Variants in RELN observed in about 807,000 individuals in gnomAD.
The protein encoded by RELN is reelin.
Under a neutral mutation model 427.6 loss-of-function variants are expected in RELN, and 108 were observed. The observed-to-expected ratio is 0.25, with a 90% confidence interval of 0.22 to 0.30. The LOEUF (loss-of-function observed/expected upper bound fraction) is 0.30. RELN is among the 10% of genes least tolerant of loss of function. RELN has a pLI of 1.00. For missense variants in RELN, 3,715 were observed against 4,302.8 expected (o/e 0.86, Z 3.82); for synonymous variants, 1,524 against 1,513.4 (o/e 1.01, Z -0.16).
chr7:103,578,586 T>C (rs1197578611), intron 28 of RELN, among the ~76,000 whole-genome samples: 3 of 152,214 alleles, frequency 2.0e-5, no homozygotes, highest in Non-Finnish European at 4.4e-5. Context: ...GCCTGGTTCC[T>C]GATGTCTGCT....
chr7:103,850,093 T>A (rs961510678), intron 2 of RELN, among the ~76,000 whole-genome samples: 8 of 152,194 alleles, frequency 5.3e-5, no homozygotes, highest in Non-Finnish European at 1.0e-4. Flanking sequence ...ATCTTCCCAA[T>A]GATGGTTATG....
At chr7:103,864,293 G>C (rs549425151) in intron 2 of RELN, among the ~76,000 whole-genome samples, 1 of 152,042 alleles carries the variant, frequency 6.6e-6, no homozygotes, top group Non-Finnish European at 1.5e-5. Context: ...TTTAATTGTA[G>C]TAAGAACACT....
intron 3 of RELN, among the ~76,000 whole-genome samples, chr7:103,822,034 T>A (rs1793027381): frequency 6.6e-6 from 1 of 152,086 alleles, no homozygotes; most frequent in African/African-American, 2.4e-5. Flanking sequence ...ATGGAAATAA[T>A]AATTTCATTT....
intron 6 of RELN, among the ~76,000 whole-genome samples, chr7:103,742,710 T>C (rs971472107): frequency 9.9e-5 from 15 of 152,132 alleles, no homozygotes; most frequent in African/African-American, 3.6e-4. Flanking sequence ...AAGAGAAGTT[T>C]AGAGAAAGAA....
intron 24 of RELN, among the ~76,000 whole-genome samples, chr7:103,602,665 A>C (rs1320242776): frequency 6.6e-6 from 1 of 152,122 alleles, no homozygotes; most frequent in Non-Finnish European, 1.5e-5. Context: ...GGAACATCAC[A>C]CACTGGGGCC....
intron 3 of RELN, among the ~76,000 whole-genome samples, chr7:103,811,410 T>C (rs1028831403): frequency 3.3e-5 from 5 of 152,190 alleles, no homozygotes; most frequent in Admixed American, 6.5e-5. Flanking sequence ...ACATGAGAGA[T>C]TGGTGCATCT....
intron 7 of RELN, among the ~76,000 whole-genome samples, chr7:103,726,751 G>A (rs906960676): frequency 6.6e-6 from 1 of 151,948 alleles, no homozygotes; most frequent in African/African-American, 2.4e-5. Context: ...ATTAACTACA[G>A]TAAAAAAATT....
chr7:103,765,440 C>G (rs1010405402), intron 4 of RELN, among the ~76,000 whole-genome samples: 2 of 151,908 alleles, frequency 1.3e-5, no homozygotes, highest in Non-Finnish European at 2.9e-5. Context: ...TCACATATGC[C>G]CACTGGGGAT....
intron 1 of RELN, among the ~76,000 whole-genome samples, chr7:103,922,303 A>G (rs965407285): frequency 6.6e-6 from 1 of 152,160 alleles, no homozygotes; most frequent in African/African-American, 2.4e-5. Context: ...ACATTTAACC[A>G]TAATAGCTTT....
At chr7:103,748,726 G>A (rs1339674975) in intron 6 of RELN, among the ~76,000 whole-genome samples, 1 of 152,130 alleles carries the variant, frequency 6.6e-6, no homozygotes, top group Non-Finnish European at 1.5e-5. Context: ...CTTGAACTTA[G>A]TTTACATTAG....
intron 11 of RELN, among the ~76,000 whole-genome samples, chr7:103,676,296 TC>T (rs1222047222): frequency 6.6e-6 from 1 of 152,170 alleles, no homozygotes; most frequent in African/African-American, 2.4e-5. Flanking sequence ...AAAATGCTCA[TC>T]ATCACTGGCC....
chr7:103,489,167 CA>C (rs1828556025), intron 60 of RELN, among the ~76,000 whole-genome samples: 1 of 150,778 alleles, frequency 6.6e-6, no homozygotes, highest in African/African-American at 2.5e-5. Context: ...TCTAGAAACT[CA>C]AGGAGTGAAA....
At chr7:103,870,327 G>A (rs1003859509) in intron 2 of RELN, among the ~76,000 whole-genome samples, 2 of 151,832 alleles carry the variant, frequency 1.3e-5, no homozygotes, top group Admixed American at 6.6e-5. Context: ...ATGATACAAT[G>A]TAGAGAATCT....
chr7:103,633,470 G>A (rs916238682), intron 19 of RELN, among the ~76,000 whole-genome samples: 1 of 150,418 alleles, frequency 6.6e-6, no homozygotes, highest in Admixed American at 6.6e-5. Context: ...CATGGACAGA[G>A]ATAAATATAT....
At position 103,563,759 on chromosome 7, in the gene RELN, T is replaced by C. The variant is rs1161775122; in HGVS notation, c.5210+1519A>G. Among the ~76,000 whole-genome samples, 1 of 152,214 alleles carries C rather than the reference T, an allele frequency of 6.6e-6. No homozygotes were observed. Among genetic ancestry groups the C allele is most frequent in the Non-Finnish European group, 1.5e-5 (1 of 68,028 alleles). Reference sequence around the variant, plus strand: ...AAGTGCCCTATACAAGTGTACCATTTAAAAATCTTTTATACCATATTTTTA... The same window carrying C: ...AAGTGCCCTATACAAGTGTACCATTCAAAAATCTTTTATACCATATTTTTA... On this transcript the variant is annotated intron_variant, in intron 34 of 64. Transcript: ENST00000428762. The surrounding 1 kb of genome is among the most constrained non-coding windows in gnomAD (Gnocchi z 4.1).
intron 20 of RELN, among the ~76,000 whole-genome samples, chr7:103,624,450 GA>G (rs375458960): frequency 5.1e-4 from 78 of 151,942 alleles, no homozygotes; most frequent in African/African-American, 1.8e-3. Context: ...TTTTAAGTCG[GA>G]GTTTTACTCT....
intron 1 of RELN, among the ~76,000 whole-genome samples, chr7:103,944,244 A>AT (rs532200513): frequency 3.9e-5 from 6 of 152,052 alleles, no homozygotes; most frequent in Non-Finnish European, 2.9e-5. Context: ...GAAAAAACTG[A>AT]TTTTTTTTCT....
intron 11 of RELN, among the ~76,000 whole-genome samples, chr7:103,676,475 A>G (rs1223434341): frequency 2.0e-5 from 3 of 152,216 alleles, no homozygotes; most frequent in Non-Finnish European, 4.4e-5. Flanking sequence ...TGTGGAAGAC[A>G]ATGTGGCAAT....
intron 1 of RELN, among the ~76,000 whole-genome samples, chr7:103,975,357 G>T (rs1796848766): frequency 6.6e-6 from 1 of 152,118 alleles, no homozygotes; most frequent in South Asian, 2.1e-4. Flanking sequence ...GGCAGTAGAG[G>T]AGCAAGCAAA....
Sources: allele counts gnomAD v4.1 joint callset (sites outside exome capture counted in the v4.1 genomes callset), GRCh38; gene constraint gnomAD v4.1.1; non-coding constraint Gnocchi (gnomAD v3.1); transcripts MANE v1.5; gene names NCBI Gene and HGNC (gene_info 2026-07-23, HGNC 2026-07-21).